The following TBC1D22A variants were observed in gnomAD, a reference collection of about 807,000 sequenced individuals.
TBC1D22A encodes putative GTPase activator.
A neutral mutation model predicts 60.2 loss-of-function variants in TBC1D22A; 38 were observed. The ratio of observed to expected loss-of-function variants is 0.63; its 90% CI spans 0.49 to 0.83. The LOEUF (loss-of-function observed/expected upper bound fraction) is 0.83, where lower values mean the gene tolerates loss of function less well. TBC1D22A is among the 40% of genes least tolerant of loss of function. The pLI is 0.00. For missense variants in TBC1D22A, 628 were observed against 701.0 expected (o/e 0.90, Z 1.18); for synonymous variants, 302 against 281.7 (o/e 1.07, Z -0.72).
At chr22:46,797,240 T>C (rs575696352) in intron 3 of TBC1D22A, among the ~76,000 whole-genome samples, 1 of 152,322 alleles carries the variant, frequency 6.6e-6, no homozygotes, top group African/African-American at 2.4e-5. Context: ...TCCATTTTGT[T>C]GGTGAATAAT....
chr22:47,052,980 T>A (rs2063277273), intron 11 of TBC1D22A, among the ~76,000 whole-genome samples: 1 of 152,224 alleles, frequency 6.6e-6, no homozygotes, highest in Non-Finnish European at 1.5e-5. Context: ...TGGCTGGGCC[T>A]CCTCACACCT....
At chr22:47,097,096 G>A (rs547685888) in intron 11 of TBC1D22A, among the ~76,000 whole-genome samples, 95 of 152,214 alleles carry the variant, frequency 6.2e-4, no homozygotes, top group Non-Finnish European at 1.2e-3. Context: ...GAGTATGGGC[G>A]TGGCCCCGTG....
intron 12 of TBC1D22A, among the ~76,000 whole-genome samples, chr22:47,142,103 A>G (rs2067107727): frequency 1.3e-5 from 2 of 152,142 alleles, no homozygotes; most frequent in Admixed American, 1.3e-4. Flanking sequence ...TCATAGGACT[A>G]GCTCCCTCCA....
At chr22:47,058,629 T>C (rs1950648800) in intron 11 of TBC1D22A, among the ~76,000 whole-genome samples, 1 of 151,966 alleles carries the variant, frequency 6.6e-6, no homozygotes, top group African/African-American at 2.4e-5. Context: ...CATGTACCTG[T>C]GATTCCCTGT....
rs79221629 is a variant in TBC1D22A, at chr22:47,136,599, C to T, written c.1425+24996C>T. The stretch of plus-strand genomic sequence containing the variant: ...AGGCTGTGGACCCAGTTCCTTGGAG[C>T]CAACCCTGGGCCATGTGGCACCAAG... On this transcript the variant is annotated intron_variant, in intron 12 of 12. Coordinates refer to ENST00000337137, the MANE Select transcript of TBC1D22A (RefSeq NM_014346.5). Among the ~76,000 whole-genome samples the T allele has an allele frequency of 2.0e-3, 146 of 73,442 alleles. 4 individuals carry two copies. The South Asian group carries it at 0.06, about 30-fold the overall frequency. The allele number at this position is 73,442 out of a possible 152,430, so 48.2% of individuals were successfully genotyped here.
chr22:47,140,923 G>A (rs1045922676), intron 12 of TBC1D22A, among the ~76,000 whole-genome samples: 3 of 152,248 alleles, frequency 2.0e-5, no homozygotes, highest in Non-Finnish European at 4.4e-5. Flanking sequence ...TACAGACTCC[G>A]GAGCCCTGAC....
chr22:46,810,248 G>T (rs2085324699), intron 4 of TBC1D22A, among the ~76,000 whole-genome samples: 1 of 152,180 alleles, frequency 6.6e-6, no homozygotes, highest in South Asian at 2.1e-4. Flanking sequence ...ATTTACAGTG[G>T]TTCCTCAGGG....
At chr22:46,985,134 CT>C (rs2074674355) in intron 9 of TBC1D22A, among the ~76,000 whole-genome samples, 1 of 152,216 alleles carries the variant, frequency 6.6e-6, no homozygotes, top group African/African-American at 2.4e-5. Context: ...AAAGGAAGGA[CT>C]GGTCTGATGC....
chr22:46,991,912 T>C (rs76373840), intron 9 of TBC1D22A, among the ~76,000 whole-genome samples: 2,735 of 152,276 alleles, frequency 0.018, 63 homozygotes, highest in African/African-American at 0.054. Flanking sequence ...CTGAACCCTC[T>C]CTCTCATCTC....
At chr22:47,104,595 T>C (rs1200849208) in intron 11 of TBC1D22A, among the ~76,000 whole-genome samples, 1 of 149,418 alleles carries the variant, frequency 6.7e-6, no homozygotes, top group Non-Finnish European at 1.5e-5. Flanking sequence ...CCCCAGAGGC[T>C]GAGGCAGGAG....
chr22:46,785,643 C>T (rs191946195), intron 1 of TBC1D22A, among the ~76,000 whole-genome samples: 14 of 152,310 alleles, frequency 9.2e-5, no homozygotes, highest in East Asian at 7.7e-4. Context: ...CACTAATCTA[C>T]GTTCTCTGTA....
chr22:46,989,759 TCACACACACACACA>T (rs35714390), intron 9 of TBC1D22A, among the ~76,000 whole-genome samples: 8 of 146,068 alleles, frequency 5.5e-5, no homozygotes, highest in Non-Finnish European at 1.2e-4. Flanking sequence ...TGTGACAGAG[TCACACACACACACA>T]CACACACACA....
chr22:47,013,446 G>A (rs2061815849), intron 10 of TBC1D22A, among the ~76,000 whole-genome samples: 1 of 152,118 alleles, frequency 6.6e-6, no homozygotes, highest in South Asian at 2.1e-4. Context: ...CTTGACCTTA[G>A]CAAGAAAGAG....
chr22:47,026,678 T>C (rs1056538603), intron 10 of TBC1D22A, among the ~76,000 whole-genome samples: 3 of 152,142 alleles, frequency 2.0e-5, no homozygotes, highest in Non-Finnish European at 4.4e-5. Flanking sequence ...TGTGAAATAT[T>C]TAGGGAAAAC....
intron 10 of TBC1D22A, among the ~76,000 whole-genome samples, chr22:47,005,455 A>G (rs908461598): frequency 1.3e-5 from 2 of 151,636 alleles, no homozygotes; most frequent in Non-Finnish European, 2.9e-5. Flanking sequence ...ACACATGCCT[A>G]TACACCCACC....
chr22:46,898,240 T>C (rs982280308), intron 7 of TBC1D22A, among the ~76,000 whole-genome samples: 4 of 152,320 alleles, frequency 2.6e-5, no homozygotes, highest in African/African-American at 7.2e-5. Context: ...GTGGTAGCAA[T>C]TGGCAATTGG....
chr22:46,841,058 G>GTGTGTC (rs1437367936), intron 4 of TBC1D22A, among the ~76,000 whole-genome samples: 1 of 150,170 alleles, frequency 6.7e-6, no homozygotes, highest in African/African-American at 2.5e-5. Flanking sequence ...GTGTGTGTGT[G>GTGTGTC]TGTGTGTGTG....
intron 8 of TBC1D22A, among the ~76,000 whole-genome samples, chr22:46,945,914 ACTTTTCTACTC>A (rs1308234712): frequency 6.6e-6 from 1 of 152,116 alleles, no homozygotes; most frequent in Non-Finnish European, 1.5e-5. Flanking sequence ...TTTAGAACTT[ACTTTTCTACTC>A]AATGCTGCAG....
rs149607098 is a variant in TBC1D22A, at chr22:46,777,819, C to T, written c.63-14701C>T. ...GTCATGCATCACTTAGCGACGGGGACGCCTTCTGAGACATGTGTCCTTAGG... is the reference window on the plus strand; with the variant it reads ...GTCATGCATCACTTAGCGACGGGGATGCCTTCTGAGACATGTGTCCTTAGG... On this transcript the variant is annotated intron_variant, in intron 1 of 12. Coordinates refer to ENST00000337137, the MANE Select transcript of TBC1D22A (RefSeq NM_014346.5). This position sits in a 1 kb window ranked among gnomAD's most constrained non-coding sequence, Gnocchi z 4.5. 1.8e-4 allele frequency among the ~76,000 whole-genome samples: 28 copies of T among 152,308 alleles called. No homozygotes were observed. The highest frequency in any genetic ancestry group is 6.3e-4 in the African/African-American group (26 of 41,566).
Sources: allele counts gnomAD v4.1 joint callset (sites outside exome capture counted in the v4.1 genomes callset), GRCh38; gene constraint gnomAD v4.1.1; non-coding constraint Gnocchi (gnomAD v3.1); transcripts MANE v1.5; gene names NCBI Gene and HGNC (gene_info 2026-07-23, HGNC 2026-07-21).